The following GSG1L variants were observed in gnomAD, a reference collection of about 807,000 sequenced individuals.
GSG1L encodes the protein germ cell-specific gene 1-like protein.
GSG1L carries 24 observed loss-of-function variants against 42.1 expected under a neutral mutation model. The ratio of observed to expected loss-of-function variants is 0.57; its 90% CI spans 0.41 to 0.80. The LOEUF is 0.80. GSG1L is among the 30% of genes least tolerant of loss of function. The pLI is 0.00. For synonymous variants in GSG1L, 215 were observed against 203.5 expected, an observed-to-expected ratio of 1.06 and a Z score of -0.48; for missense variants, 445 against 472.2, an observed-to-expected ratio of 0.94 and a Z score of 0.53.
chr16:27,941,751 T>A (rs1020005579), intron 2 of GSG1L, among the ~76,000 whole-genome samples: 1 of 151,756 alleles, frequency 6.6e-6, no homozygotes, highest in Non-Finnish European at 1.5e-5. Flanking sequence ...GTGTGTTACA[T>A]CCATGCGATG....
chr16:28,010,990 G>A (rs1008516237), intron 1 of GSG1L, among the ~76,000 whole-genome samples: 1 of 152,176 alleles, frequency 6.6e-6, no homozygotes, highest in South Asian at 2.1e-4. Flanking sequence ...GAGGGGCTCT[G>A]ATGGGTCGTC....
chr16:27,897,029 A>G (rs1272175838), intron 2 of GSG1L, among the ~76,000 whole-genome samples: 1 of 152,082 alleles, frequency 6.6e-6, no homozygotes, highest in African/African-American at 2.4e-5. Context: ...ATGCCTGGCT[A>G]ATTTTTGTAT....
At chr16:27,894,546 G>A (rs2084167505) in intron 2 of GSG1L, among the ~76,000 whole-genome samples, 1 of 152,208 alleles carries the variant, frequency 6.6e-6, no homozygotes, top group Non-Finnish European at 1.5e-5. Flanking sequence ...TGTGAGATGG[G>A]TGACAGGCCC....
chr16:28,023,767 G>A (rs1282529902), intron 1 of GSG1L, among the ~76,000 whole-genome samples: 2 of 152,212 alleles, frequency 1.3e-5, no homozygotes, highest in Non-Finnish European at 2.9e-5. Context: ...ATTCACATCT[G>A]TAATCCCAGC....
chr16:27,833,624 T>C (rs2083293860), intron 4 of GSG1L, among the ~76,000 whole-genome samples: 1 of 152,208 alleles, frequency 6.6e-6, no homozygotes, highest in Non-Finnish European at 1.5e-5. Context: ...CTTTCATTGG[T>C]ATTATTCTGT....
chr16:27,848,086 G>A (rs1461674139), intron 3 of GSG1L, among the ~76,000 whole-genome samples: 1 of 152,198 alleles, frequency 6.6e-6, no homozygotes, highest in Non-Finnish European at 1.5e-5. Flanking sequence ...CTGGTATGAG[G>A]ATTCAGTGGC....
At chr16:27,978,527 C>T (rs2085275953) in intron 1 of GSG1L, among the ~76,000 whole-genome samples, 1 of 152,008 alleles carries the variant, frequency 6.6e-6, no homozygotes, top group African/African-American at 2.4e-5. Flanking sequence ...CCCATCTCCA[C>T]TAAAAATACA....
chr16:28,051,661 C>G (rs2086223709), intron 1 of GSG1L, among the ~76,000 whole-genome samples: 1 of 152,216 alleles, frequency 6.6e-6, no homozygotes, highest in African/African-American at 2.4e-5. Context: ...GCTAAGGGAG[C>G]TGCACGTGCA....
At chr16:27,877,528 G>C (rs1314949525) in intron 3 of GSG1L, among the ~76,000 whole-genome samples, 17 of 152,082 alleles carry the variant, frequency 1.1e-4, no homozygotes. Context: ...TCCAAGCCCT[G>C]TGCTGGCTGG....
At chr16:27,975,986 C>T (rs1277227970) in intron 1 of GSG1L, among the ~76,000 whole-genome samples, 1 of 152,172 alleles carries the variant, frequency 6.6e-6, no homozygotes, top group East Asian at 1.9e-4. Flanking sequence ...TAAATAACAC[C>T]CAGACAGGCC....
At chr16:27,946,606 AGAGAGAGAGAGAGAG>A (rs1567529859) in intron 2 of GSG1L, among the ~76,000 whole-genome samples, 6 of 5,492 alleles carry the variant, frequency 1.1e-3, no homozygotes, top group African/African-American at 5.2e-3. Context: ...AGAGAGAGAG[AGAGAGAGAGAGAGAG>A]AGAGAGAGAG....
At chr16:27,986,375 C>A (rs1360384224) in intron 1 of GSG1L, among the ~76,000 whole-genome samples, 1 of 151,894 alleles carries the variant, frequency 6.6e-6, no homozygotes, top group African/African-American at 2.4e-5. Flanking sequence ...TGGTGTGCAC[C>A]TGTAATCCCA....
intron 2 of GSG1L, among the ~76,000 whole-genome samples, chr16:27,912,158 G>A (rs994489387): frequency 6.6e-6 from 1 of 152,130 alleles, no homozygotes; most frequent in Non-Finnish European, 1.5e-5. Flanking sequence ...CACCATCCAT[G>A]TACCCAAGCT....
chr16:27,934,063 C>T (rs962655462), intron 2 of GSG1L, among the ~76,000 whole-genome samples: 1 of 152,238 alleles, frequency 6.6e-6, no homozygotes, highest in Non-Finnish European at 1.5e-5. Flanking sequence ...AATCATGAGA[C>T]AGCAGAGGTG....
intron 1 of GSG1L, among the ~76,000 whole-genome samples, chr16:28,051,725 G>T (rs533955692): frequency 6.6e-6 from 1 of 152,190 alleles, no homozygotes; most frequent in African/African-American, 2.4e-5. Context: ...GGACAGTGGG[G>T]CTGCAGCATA....
At chr16:27,946,610 AGAG>A (rs2084868613) in intron 2 of GSG1L, among the ~76,000 whole-genome samples, 3 of 10,028 alleles carry the variant, frequency 3.0e-4, no homozygotes, top group African/African-American at 7.9e-4. Flanking sequence ...AGAGAGAGAG[AGAG>A]AGAGAGAGAG....
Position 27,943,765 on chromosome 16 carries a change from A to G in GSG1L, c.397+19391T>C, listed in dbSNP as rs371791381. ...AATTTTTTGCATTTTTAGTAGAGACAGGGTTTTGTCATGTTGGCCAGGATG... is the reference window on the plus strand; with the variant it reads ...AATTTTTTGCATTTTTAGTAGAGACGGGGTTTTGTCATGTTGGCCAGGATG... On this transcript the variant is annotated intron_variant, in intron 2 of 6. Coordinates refer to ENST00000447459, the MANE Select transcript of GSG1L (RefSeq NM_001109763.2). Among the ~76,000 whole-genome samples, 28 of 151,708 alleles carry G rather than the reference A, an allele frequency of 1.8e-4. 1 individual carries two copies. In the East Asian group the frequency reaches 2.1e-3, roughly 12 times the overall value.
intron 2 of GSG1L, among the ~76,000 whole-genome samples, chr16:27,947,601 A>AAAGAAAGAAAGAAAG (rs1411167304): frequency 3.9e-5 from 5 of 127,030 alleles, no homozygotes; most frequent in African/African-American, 5.9e-5. Flanking sequence ...AAGAAAGAAA[A>AAAGAAAGAAAGAAAG]AGAAAGAAAG....
intron 3 of GSG1L, among the ~76,000 whole-genome samples, chr16:27,864,741 G>A (rs1335381010): frequency 5.9e-5 from 9 of 152,154 alleles, no homozygotes; most frequent in Admixed American, 2.6e-4. Context: ...CAAAGCCCTC[G>A]TGTGAACTCT....
Sources: gnomAD v4.1 joint callset for allele counts (sites outside exome capture counted in the v4.1 genomes callset) on GRCh38, gnomAD v4.1.1 for gene constraint, MANE v1.5 for transcripts, NCBI Gene and HGNC (gene_info 2026-07-23, HGNC 2026-07-21) for gene names.